ADD3: variants seen among roughly 807,000 people sequenced by gnomAD.
The protein encoded by ADD3 is adducin 3, also known as gamma-adducin.
ADD3 carries 25 observed loss-of-function variants against 80.2 expected under a neutral mutation model. The observed-to-expected ratio is 0.31, with a 90% confidence interval of 0.23 to 0.44. ADD3 has a LOEUF of 0.44. ADD3 is among the 20% of genes least tolerant of loss of function. ADD3 has a pLI of 1.00. For missense variants in ADD3, 829 were observed against 847.5 expected (o/e 0.98, Z 0.27); for synonymous variants, 284 against 289.6 (o/e 0.98, Z 0.20).
intron 1 of ADD3, among the ~76,000 whole-genome samples, chr10:110,092,088 A>G (rs891968774): frequency 3.3e-5 from 5 of 152,314 alleles, no homozygotes; most frequent in Non-Finnish European, 5.9e-5. Flanking sequence ...AGAAAATAAC[A>G]GATGTTGGCG....
At chr10:110,098,940 T>A (rs1848487886) in intron 1 of ADD3, among the ~76,000 whole-genome samples, 1 of 151,962 alleles carries the variant, frequency 6.6e-6, no homozygotes, top group African/African-American at 2.4e-5. Context: ...ATACAGAAAC[T>A]TTTTTGCCTC....
At chr10:110,097,351 G>A (rs546849193) in intron 1 of ADD3, among the ~76,000 whole-genome samples, 1 of 152,102 alleles carries the variant, frequency 6.6e-6, no homozygotes, top group African/African-American at 2.4e-5. Context: ...ATTCAGGAGG[G>A]CCCTGAAAAT....
chr10:110,076,303 G>T (rs905144240), intron 1 of ADD3, among the ~76,000 whole-genome samples: 2 of 152,012 alleles, frequency 1.3e-5, no homozygotes, highest in African/African-American at 4.8e-5. Context: ...TCCTATTAAA[G>T]ATATTTGTAC....
chr10:110,006,204 T>C (rs61881590), upstream of ADD3: 2,794 of 153,538 alleles, frequency 0.018, 43 homozygotes, highest in Middle Eastern at 0.11. Context: ...AAAGGAATGA[T>C]CATGGAAAAG....
At chr10:110,050,322 C>T (rs927772537) in intron 1 of ADD3, among the ~76,000 whole-genome samples, 3 of 151,964 alleles carry the variant, frequency 2.0e-5, no homozygotes, top group African/African-American at 7.2e-5. Flanking sequence ...ATCATGGGGG[C>T]AGTTTCCTCC....
At chr10:110,087,031 T>G (rs1303617671) in intron 1 of ADD3, among the ~76,000 whole-genome samples, 1 of 152,102 alleles carries the variant, frequency 6.6e-6, no homozygotes, top group Non-Finnish European at 1.5e-5. Flanking sequence ...CTTTTATTTT[T>G]TTTTTATTTT....
intron 12 of ADD3, among the ~76,000 whole-genome samples, chr10:110,126,910 A>G (rs910447869): frequency 6.6e-6 from 1 of 152,098 alleles, no homozygotes; most frequent in African/African-American, 2.4e-5. Flanking sequence ...GACCTTGACT[A>G]TTTTTCATCA....
At chr10:110,070,014 C>G (rs577844883) in intron 1 of ADD3, among the ~76,000 whole-genome samples, 13 of 152,248 alleles carry the variant, frequency 8.5e-5, no homozygotes, top group African/African-American at 3.1e-4. Flanking sequence ...ATCTGTGATA[C>G]TTTTATTTAA....
intron 1 of ADD3, among the ~76,000 whole-genome samples, chr10:110,078,499 A>G (rs2133734213): frequency 6.6e-6 from 1 of 152,336 alleles, no homozygotes; most frequent in South Asian, 2.1e-4. Flanking sequence ...ATATCTGAGT[A>G]GTAGAACTAG....
chr10:110,060,551 A>G lies in ADD3; in HGVS notation c.-29-40074A>G, dbSNP rs563798037. On this transcript the variant is annotated intron_variant, in intron 1 of 14. Coordinates refer to ENST00000356080, the MANE Select transcript of ADD3 (RefSeq NM_016824.5). The stretch of plus-strand genomic sequence containing the variant: ...CAAATGCTTGCTCTGTGTTCTAACC[A>G]TTCCACCATTTTATTCTCTCTCAAA... Among the ~76,000 whole-genome samples, 178 of 152,346 alleles carry G rather than the reference A, an allele frequency of 1.2e-3. 1 individual carries two copies. Among genetic ancestry groups the G allele is most frequent in the African/African-American group, 2.9e-3 (119 of 41,584 alleles).
rs189967792 is a variant in ADD3, at chr10:110,078,634, C to T, written c.-29-21991C>T. ...CAGTGTACAGCTATTAGTTGTGTAG[C>T]CTTGGGTAAAAGTGGCTTTCAAACT... On this transcript the variant is annotated intron_variant, in intron 1 of 14. Coordinates refer to ENST00000356080, the MANE Select transcript of ADD3 (RefSeq NM_016824.5). Among the ~76,000 whole-genome samples, 186 of 152,280 alleles carry T rather than the reference C, an allele frequency of 1.2e-3. No individual in the cohort carries two copies. The East Asian group carries it at 0.022, about 18-fold the overall frequency.
At chr10:110,000,475 C>T (rs547662693) in intron 1 of ADD3, among the ~76,000 whole-genome samples, 23 of 152,314 alleles carry the variant, frequency 1.5e-4, no homozygotes, top group African/African-American at 5.5e-4. Flanking sequence ...ATTCATTCGA[C>T]GAGTACTTTT....
intron 1 of ADD3, among the ~76,000 whole-genome samples, chr10:110,033,480 T>C (rs1855293324): frequency 6.6e-6 from 1 of 152,212 alleles, no homozygotes; most frequent in Admixed American, 6.5e-5. Flanking sequence ...GTGTTCCATG[T>C]AAAATGCAGG....
upstream of ADD3, among the ~76,000 whole-genome samples, chr10:110,005,522 T>A (rs1224449237): frequency 1.3e-5 from 2 of 152,232 alleles, no homozygotes; most frequent in East Asian, 3.8e-4. Flanking sequence ...CTTTTTATTC[T>A]TATATTAAAT....
At position 110,132,324 on chromosome 10, in the gene ADD3, C is replaced by T. The variant is rs1853129261; in HGVS notation, c.1752C>T (p.Leu584=). 6.2e-7 allele frequency: 1 copy of T among 1,612,984 alleles called. No homozygotes were observed. Among genetic ancestry groups the T allele is most frequent in the African/African-American group, 1.3e-5 (1 of 74,888 alleles). The change falls in exon 14 of 15, where the codon CTC becomes CTT. Residue 584 remains leucine (L), a synonymous_variant. Coordinates refer to ENST00000356080, the MANE Select transcript of ADD3 (RefSeq NM_016824.5). ...CAACAGATGCTGAGCAGGAATTACTCTCAGATGACGCTTCATCTGTTTCAC... is the reference window on the plus strand; with the variant it reads ...CAACAGATGCTGAGCAGGAATTACTTTCAGATGACGCTTCATCTGTTTCAC... ...QGLEDAEQEL[L]SDDASSVSQI... is the part of the protein sequence containing the mutation.
At chr10:110,027,999 T>TA (rs1297223929) in intron 1 of ADD3, among the ~76,000 whole-genome samples, 3 of 152,172 alleles carry the variant, frequency 2.0e-5, no homozygotes, top group Admixed American at 6.5e-5. Context: ...CTTCAGATCT[T>TA]AGAGTCCTGT....
rs576206789 is a variant in ADD3 at position 110,107,331 on chromosome 10, A to G, written c.196-5446A>G. On this transcript the variant is annotated intron_variant, in intron 2 of 14. Coordinates refer to ENST00000356080, the MANE Select transcript of ADD3 (RefSeq NM_016824.5). Reference sequence around the variant, plus strand: ...GGTAGCATTTGTAATGTGTTGAATAAAGGAAAGAATTCATTAGGAAGAAGA... The same window carrying G: ...GGTAGCATTTGTAATGTGTTGAATAGAGGAAAGAATTCATTAGGAAGAAGA... 2.6e-5 allele frequency among the ~76,000 whole-genome samples: 4 copies of G among 152,258 alleles called. No individual in the cohort carries two copies. In the South Asian group the frequency reaches 8.3e-4, roughly 32 times the overall value.
intron 1 of ADD3, among the ~76,000 whole-genome samples, chr10:110,063,478 C>T (rs907564154): frequency 6.6e-6 from 1 of 151,670 alleles, no homozygotes; most frequent in African/African-American, 2.4e-5. Context: ...ACTTAGATTA[C>T]TTCTTATAAG....
chr10:110,023,801 T>C (rs1358566339), intron 1 of ADD3, among the ~76,000 whole-genome samples: 2 of 152,240 alleles, frequency 1.3e-5, no homozygotes, highest in East Asian at 3.8e-4. Context: ...AGTCACCATT[T>C]TGGCTAAAGA....
Sources: allele counts gnomAD v4.1 joint callset (sites outside exome capture counted in the v4.1 genomes callset), GRCh38; gene constraint gnomAD v4.1.1; transcripts MANE v1.5; gene names NCBI Gene and HGNC (gene_info 2026-07-23, HGNC 2026-07-21).